Variants in ARHGAP28 observed in about 807,000 individuals in gnomAD.
ARHGAP28 encodes the protein rho GTPase-activating protein 28.
A neutral mutation model predicts 90.7 loss-of-function variants in ARHGAP28; 56 were observed. The ratio of observed to expected loss-of-function variants is 0.62; its 90% CI spans 0.50 to 0.77. The LOEUF is 0.77. ARHGAP28 is among the 30% of genes least tolerant of loss of function. The pLI is 0.00. For missense variants in ARHGAP28, 869 were observed against 900.9 expected (o/e 0.96, Z 0.45); for synonymous variants, 308 against 323.3 (o/e 0.95, Z 0.51).
At chr18:6,884,416 G>C (rs761636745) in intron 11 of ARHGAP28, among the ~76,000 whole-genome samples, 28 of 152,154 alleles carry the variant, frequency 1.8e-4, no homozygotes, top group Non-Finnish European at 4.0e-4. Context: ...TAACACCTGG[G>C]TTATCTCAGG....
intron 1 of ARHGAP28, among the ~76,000 whole-genome samples, chr18:6,781,856 C>T (rs992207307): frequency 2.0e-5 from 3 of 152,146 alleles, no homozygotes; most frequent in Non-Finnish European, 4.4e-5. Context: ...ATTTTTGTCT[C>T]TCTTTTGAAC....
intron 1 of ARHGAP28, among the ~76,000 whole-genome samples, chr18:6,793,769 T>C (rs898372657): frequency 6.6e-6 from 1 of 151,870 alleles, no homozygotes; most frequent in African/African-American, 2.4e-5. Context: ...GAGGGACCCG[T>C]GAAGGCTAAG....
At chr18:6,878,166 T>C (rs1312344642) in intron 10 of ARHGAP28, among the ~76,000 whole-genome samples, 1 of 151,888 alleles carries the variant, frequency 6.6e-6, no homozygotes, top group Non-Finnish European at 1.5e-5. Context: ...TATGCAGCCA[T>C]AAAAAATGAT....
chr18:6,905,414 A>G (rs1457496061), intron 16 of ARHGAP28, among the ~76,000 whole-genome samples: 1 of 152,196 alleles, frequency 6.6e-6, no homozygotes, highest in Non-Finnish European at 1.5e-5. Context: ...ACTTAACTTG[A>G]TAAAGATTAT....
intron 1 of ARHGAP28, among the ~76,000 whole-genome samples, chr18:6,787,491 A>C (rs1284639207): frequency 6.6e-6 from 1 of 152,108 alleles, no homozygotes; most frequent in East Asian, 1.9e-4. Flanking sequence ...TTTCATGTAG[A>C]TTGGTGGTTT....
intron 6 of ARHGAP28, among the ~76,000 whole-genome samples, chr18:6,868,610 T>A (rs528028556): frequency 0.024 from 1,003 of 41,390 alleles, 16 homozygotes; most frequent in African/African-American, 0.056. Context: ...CAGAGCAGCT[T>A]GCCCCCTGAC....
At position 6,738,869 on chromosome 18, in the gene ARHGAP28, C is replaced by T. The variant is rs114784088; in HGVS notation, c.122+8926C>T. 3.0e-3 allele frequency among the ~76,000 whole-genome samples: 451 copies of T among 152,236 alleles called. 5 individuals are homozygous for T. The highest frequency in any genetic ancestry group is 0.01 in the African/African-American group (428 of 41,534). ...TGTAGCCAGAAGGGTTCTGACCTACCGTAACAAGCTGCCATCTACCACCAT... is the reference window on the plus strand; with the variant it reads ...TGTAGCCAGAAGGGTTCTGACCTACTGTAACAAGCTGCCATCTACCACCAT... On this transcript the variant is annotated intron_variant, in intron 1 of 17. Transcript: ENST00000383472.
chr18:6,741,197 A>G (rs1212417876), intron 1 of ARHGAP28, among the ~76,000 whole-genome samples: 1 of 152,250 alleles, frequency 6.6e-6, no homozygotes, highest in Non-Finnish European at 1.5e-5. Context: ...AGAGTAAGCA[A>G]TTAATGAGGG....
At chr18:6,730,235 A>ATATT (rs1468071396) in intron 1 of ARHGAP28, 2 of 204,104 alleles carry the variant, frequency 9.8e-6, no homozygotes, top group Non-Finnish European at 1.9e-5. Flanking sequence ...ATATATATAT[A>ATATT]TACCTCATTT....
At chr18:6,871,050 T>A (rs1226913539) in intron 7 of ARHGAP28, among the ~76,000 whole-genome samples, 1 of 152,234 alleles carries the variant, frequency 6.6e-6, no homozygotes, top group Non-Finnish European at 1.5e-5. Context: ...TCTGCCTGCC[T>A]CGGCCTCTCA....
In ARHGAP28 at chr18:6,824,816, C is replaced by T. The variant is rs766694829; in HGVS notation, c.177C>T (p.Leu59=). The change falls in exon 2 of 18, where the codon CTC becomes CTT. Residue 59 remains leucine (L), a synonymous_variant. Coordinates refer to ENST00000383472, the MANE Select transcript of ARHGAP28 (RefSeq NM_001366230.1). ...ACAGGATGCTCTCCAATGAATCCCT[C>T]CATCCTCCTGCCTTCAGCCGTTCCA... ...RINRMLSNES[L]HPPAFSRSNS... is the part of the protein sequence containing the mutation. 11 of 1,536,264 alleles carry T rather than the reference C, an allele frequency of 7.2e-6. No homozygotes were observed. In the African/African-American group the frequency reaches 9.6e-5, roughly 13 times the overall value.
intron 1 of ARHGAP28, among the ~76,000 whole-genome samples, chr18:6,756,538 T>C (rs565332847): frequency 6.6e-6 from 1 of 152,286 alleles, no homozygotes; most frequent in East Asian, 1.9e-4. Flanking sequence ...TTCATTTACA[T>C]TGAAAAAATG....
In ARHGAP28 at chr18:6,729,902, G is replaced by T. The variant is rs565951929; in HGVS notation, c.81G>T (p.Ser27=). The T allele has an allele frequency of 1.4e-6, 2 of 1,420,518 alleles. No individual in the cohort carries two copies. Among genetic ancestry groups the T allele is most frequent in the Non-Finnish European group, 1.8e-6 (2 of 1,089,786 alleles). The allele number at this position is 1,420,518 out of a possible 1,614,324, so 88.0% of individuals were successfully genotyped here. Residue 27 remains serine, a synonymous_variant, in exon 1 of 18, where the codon TCG becomes TCT. Transcript: ENST00000383472. The stretch of plus-strand genomic sequence containing the variant: ...GCGCCCAGCCCCCCAACGCCGAGTC[G>T]CGCTGCGCGCCCCGCGCCGCAGCCA... ...YARAQPPNAE[S]RCAPRAAASH...
At chr18:6,866,349 A>C (rs1016224532) in intron 5 of ARHGAP28, among the ~76,000 whole-genome samples, 17 of 152,140 alleles carry the variant, frequency 1.1e-4, no homozygotes, top group African/African-American at 4.1e-4. Flanking sequence ...CTGGTACCCC[A>C]GTCTCTTCAT....
chr18:6,842,871 A>G (rs2056838096), intron 3 of ARHGAP28, among the ~76,000 whole-genome samples: 1 of 152,166 alleles, frequency 6.6e-6, no homozygotes, highest in South Asian at 2.1e-4. Flanking sequence ...CCTACCATGT[A>G]CCCACAAAAA....
chr18:6,851,103 G>C lies in ARHGAP28; in HGVS notation c.613G>C (p.Val205Leu). 6.2e-7 allele frequency: 1 copy of C among 1,614,134 alleles called. No homozygotes were observed. The highest frequency in any genetic ancestry group is 8.5e-7 in the Non-Finnish European group (1 of 1,179,986). Residue 205 changes from valine (V) to leucine (L), a missense_variant, in exon 4 of 18, where the codon GTT becomes CTT. Transcript: ENST00000383472. ...CAAGGAAGAAAGAGAGCTTCCAAGAGTTATCAAGACAAGTGGTTCCATGGT... is the reference window on the plus strand; with the variant it reads ...CAAGGAAGAAAGAGAGCTTCCAAGACTTATCAAGACAAGTGGTTCCATGGT... ...GTKEERELPR[V>L]IKTSGSMPDD...
At chr18:6,732,699 G>A (rs117086394) in intron 1 of ARHGAP28, among the ~76,000 whole-genome samples, 1 of 152,186 alleles carries the variant, frequency 6.6e-6, no homozygotes, top group Non-Finnish European at 1.5e-5. Context: ...TTCGTAAAGT[G>A]AGTAGCCAGT....
At chr18:6,760,259 G>T (rs749792952) in intron 1 of ARHGAP28, among the ~76,000 whole-genome samples, 5 of 152,060 alleles carry the variant, frequency 3.3e-5, no homozygotes, top group Non-Finnish European at 7.4e-5. Flanking sequence ...TAAAAAAATT[G>T]TAAGTTTCTG....
intron 11 of ARHGAP28, 109 bp from the exon 12 acceptor site, chr18:6,887,048 C>A: frequency 1.1e-6 from 1 of 940,522 alleles, no homozygotes; most frequent in African/African-American, 1.6e-5. Context: ...GAGTCTTTAC[C>A]ACCAAAAGCT....
Sources: gnomAD v4.1 joint callset for allele counts (sites outside exome capture counted in the v4.1 genomes callset) on GRCh38, gnomAD v4.1.1 for gene constraint, MANE v1.5 for transcripts, NCBI Gene and HGNC (gene_info 2026-07-23, HGNC 2026-07-21) for gene names.